ZFYVE9: variants seen among roughly 807,000 people sequenced by gnomAD.
ZFYVE9 encodes zinc finger FYVE-type containing 9, also known as zinc finger FYVE domain-containing protein 9.
A neutral mutation model predicts 126.7 loss-of-function variants in ZFYVE9; 43 were observed. The ratio of observed to expected loss-of-function variants is 0.34; its 90% CI spans 0.27 to 0.44. The LOEUF is 0.44. Among genes scored for constraint, ZFYVE9 ranks in the 20% least tolerant of loss-of-function variants. The pLI, the probability that ZFYVE9 is intolerant of heterozygous loss-of-function variation, is 1.00. For missense variants in ZFYVE9, 1,476 were observed against 1,697.0 expected, an observed-to-expected ratio of 0.87 and a Z score of 2.29; for synonymous variants, 521 against 597.4, an observed-to-expected ratio of 0.87 and a Z score of 1.87.
Position 52,263,753 on chromosome 1 carries a change from T to G in ZFYVE9, c.2179-20T>G, listed in dbSNP as rs1033968967. On this transcript the variant is annotated intron_variant, in intron 4 of 18. Coordinates refer to ENST00000287727, the MANE Select transcript of ZFYVE9 (RefSeq NM_004799.4). ...ATCCCAAGTAAATTTTGTGTGTTCTTCCCCCCCCCCCCCCCACAGGTTTTC... is the reference window on the plus strand; with the variant it reads ...ATCCCAAGTAAATTTTGTGTGTTCTGCCCCCCCCCCCCCCCACAGGTTTTC... 9.8e-6 allele frequency: 7 copies of G among 713,560 alleles called. No homozygotes were observed. The highest frequency in any genetic ancestry group is 9.5e-5 in the African/African-American group (2 of 21,016). 44.2% of individuals were successfully genotyped at this position (713,560 alleles called of 1,614,324 possible).
At chr1:52,236,990 G>C (rs1645278658) in intron 3 of ZFYVE9, among the ~76,000 whole-genome samples, 1 of 151,766 alleles carries the variant, frequency 6.6e-6, no homozygotes, top group South Asian at 2.1e-4. Flanking sequence ...ATATACATTA[G>C]AATGCATAGA....
chr1:52,159,084 G>A (rs1572062677), intron 1 of ZFYVE9, among the ~76,000 whole-genome samples: 1 of 152,176 alleles, frequency 6.6e-6, no homozygotes, highest in East Asian at 1.9e-4. Flanking sequence ...GAGCCACCGC[G>A]CCCGGCTATT....
At chr1:52,276,290 T>C (rs1645748106) in intron 8 of ZFYVE9, among the ~76,000 whole-genome samples, 1 of 152,222 alleles carries the variant, frequency 6.6e-6, no homozygotes, top group African/African-American at 2.4e-5. Flanking sequence ...CCCAGCACCT[T>C]ACATGTATAC....
At chr1:52,338,878 G>T (rs752583070) in intron 16 of ZFYVE9, among the ~76,000 whole-genome samples, 1 of 152,102 alleles carries the variant, frequency 6.6e-6, no homozygotes, top group Non-Finnish European at 1.5e-5. Context: ...GGGCGTGGTG[G>T]TACATGCCTG....
intron 1 of ZFYVE9, chr1:52,179,711 C>T (rs1644679327): frequency 2.9e-6 from 1 of 345,606 alleles, no homozygotes; most frequent in Non-Finnish European, 5.3e-6. Flanking sequence ...AGAGGAAAAT[C>T]AATAGAGAGT....
At chr1:52,230,889 T>C (rs1455413582) in intron 2 of ZFYVE9, among the ~76,000 whole-genome samples, 4 of 152,258 alleles carry the variant, frequency 2.6e-5, no homozygotes, top group Admixed American at 1.3e-4. Flanking sequence ...ATTTAAATTT[T>C]CTTACTTAGC....
At chr1:52,200,103 C>A (rs1644909624) in intron 1 of ZFYVE9, among the ~76,000 whole-genome samples, 1 of 150,906 alleles carries the variant, frequency 6.6e-6, no homozygotes, top group Non-Finnish European at 1.5e-5. Flanking sequence ...AAATCTTTTT[C>A]AAGTATGTTC....
chr1:52,339,831 G>C (rs1352704092), intron 16 of ZFYVE9, among the ~76,000 whole-genome samples: 1 of 152,226 alleles, frequency 6.6e-6, no homozygotes, highest in Non-Finnish European at 1.5e-5. Flanking sequence ...ACTGGAAGAA[G>C]AGCAGGTTTG....
At chr1:52,286,711 T>A (rs1019490409) in intron 10 of ZFYVE9, among the ~76,000 whole-genome samples, 1 of 152,210 alleles carries the variant, frequency 6.6e-6, no homozygotes, top group African/African-American at 2.4e-5. Flanking sequence ...GGAGTTAATC[T>A]CTGGTTGTTT....
chr1:52,270,414 C>T (rs970578692), intron 7 of ZFYVE9, among the ~76,000 whole-genome samples: 2 of 152,116 alleles, frequency 1.3e-5, no homozygotes, highest in African/African-American at 4.8e-5. Context: ...CAGGCGCCCG[C>T]CACCATGCCC....
rs545126124 is a variant in ZFYVE9, at chr1:52,194,218, G to A, written c.-142-22151G>A. On this transcript the variant is annotated intron_variant, in intron 1 of 18. Transcript: ENST00000287727. ...AAAATAGATTCTAGATGATGAAAGA[G>A]CGAAGCAAACAAAAGCAACATGAAA... is the stretch of plus-strand genomic sequence containing the variant. 1.1e-4 allele frequency among the ~76,000 whole-genome samples: 16 copies of A among 152,308 alleles called. No individual in the cohort carries two copies. In the South Asian group the frequency reaches 3.3e-3, roughly 32 times the overall value.
intron 16 of ZFYVE9, among the ~76,000 whole-genome samples, chr1:52,339,794 G>A (rs776825732): frequency 6.6e-6 from 1 of 152,198 alleles, no homozygotes; most frequent in Non-Finnish European, 1.5e-5. Flanking sequence ...TTGAGTGGGT[G>A]ACCATGCATT....
chr1:52,327,385 C>T (rs1424119232), intron 13 of ZFYVE9, among the ~76,000 whole-genome samples: 1 of 151,866 alleles, frequency 6.6e-6, no homozygotes, highest in Non-Finnish European at 1.5e-5. Context: ...GGGCAGATCA[C>T]AAGGTCAGGA....
intron 6 of ZFYVE9, 138 bp from the exon 7 acceptor site, chr1:52,268,325 C>A: frequency 3.8e-6 from 3 of 792,150 alleles, no homozygotes; most frequent in Admixed American, 2.7e-5. Flanking sequence ...TATACAGTTA[C>A]ATTTCTGATG....
intron 10 of ZFYVE9, among the ~76,000 whole-genome samples, chr1:52,290,662 C>G (rs1447386288): frequency 6.6e-6 from 1 of 152,024 alleles, no homozygotes; most frequent in South Asian, 2.1e-4. Flanking sequence ...CCCTAAAGTT[C>G]CTGACACTCT....
intron 1 of ZFYVE9, among the ~76,000 whole-genome samples, chr1:52,166,443 G>A (rs1418340725): frequency 6.6e-6 from 1 of 152,124 alleles, no homozygotes; most frequent in African/African-American, 2.4e-5. Flanking sequence ...TACCTAGCCT[G>A]TTTAAAAGTT....
intron 4 of ZFYVE9, among the ~76,000 whole-genome samples, chr1:52,246,275 A>G (rs901385738): frequency 6.6e-6 from 1 of 152,204 alleles, no homozygotes; most frequent in African/African-American, 2.4e-5. Context: ...ACTATTTCAA[A>G]AAGAAAGATG....
intron 1 of ZFYVE9, among the ~76,000 whole-genome samples, chr1:52,148,448 A>AT (rs1251135686): frequency 6.6e-6 from 1 of 150,748 alleles, no homozygotes; most frequent in Non-Finnish European, 1.5e-5. Flanking sequence ...AGACTGCACC[A>AT]TTGCACTCCA....
At chr1:52,299,898 G>A (rs1257429329) in intron 12 of ZFYVE9, among the ~76,000 whole-genome samples, 3 of 152,232 alleles carry the variant, frequency 2.0e-5, no homozygotes, top group Non-Finnish European at 4.4e-5. Context: ...CTGGAGCAGT[G>A]TAGTCCTGTG....
Sources: gnomAD v4.1 joint callset for allele counts (sites outside exome capture counted in the v4.1 genomes callset) on GRCh38, gnomAD v4.1.1 for gene constraint, MANE v1.5 for transcripts, NCBI Gene and HGNC (gene_info 2026-07-23, HGNC 2026-07-21) for gene names.